The following GRIP1 variants were observed in gnomAD, a reference collection of about 807,000 sequenced individuals.
The protein encoded by GRIP1 is glutamate receptor-interacting protein 1.
Under a neutral mutation model 129.9 loss-of-function variants are expected in GRIP1, and 45 were observed. The ratio of observed to expected loss-of-function variants is 0.35; its 90% CI spans 0.27 to 0.44. GRIP1 has a LOEUF of 0.44. Among genes scored for constraint, GRIP1 ranks in the 20% least tolerant of loss-of-function variants. The pLI, the probability that GRIP1 is intolerant of heterozygous loss-of-function variation, is 1.00. For synonymous variants in GRIP1, 530 were observed against 520.8 expected (o/e 1.02, Z -0.24); for missense variants, 1,196 against 1,396.8 (o/e 0.86, Z 2.29).
intron 20 of GRIP1, 128 bp downstream of exon 20, chr12:66,379,152 T>A (rs1268567378): frequency 8.5e-6 from 9 of 1,058,646 alleles, no homozygotes; most frequent in Non-Finnish European, 1.3e-5. Flanking sequence ...GTGGCCAGCA[T>A]GGATGATTAT....
At chr12:66,574,790 T>TTTTTTTTTTTTTTTTTTTTTTTTC (rs55885862) in intron 2 of GRIP1, among the ~76,000 whole-genome samples, 4 of 142,068 alleles carry the variant, frequency 2.8e-5, no homozygotes, top group Non-Finnish European at 4.6e-5. Flanking sequence ...CACTTTTCTT[T>TTTTTTTTTTTTTTTTTTTTTTTTC]TTTTTTTTTT....
intron 19 of GRIP1, among the ~76,000 whole-genome samples, chr12:66,386,356 G>A (rs989350124): frequency 2.4e-4 from 36 of 152,136 alleles, no homozygotes; most frequent in African/African-American, 6.8e-4. Flanking sequence ...ATTTTCGGCC[G>A]GGCGCTGTGG....
chr12:66,723,746 C>T (rs535177010), intron 1 of GRIP1, among the ~76,000 whole-genome samples: 12 of 152,242 alleles, frequency 7.9e-5, no homozygotes, highest in Admixed American at 2.0e-4. Flanking sequence ...TGAGATGCTT[C>T]ATGCCAAGAA....
At chr12:66,496,954 GCTTA>G (rs747790505) in intron 7 of GRIP1, among the ~76,000 whole-genome samples, 1 of 152,118 alleles carries the variant, frequency 6.6e-6, no homozygotes, top group Non-Finnish European at 1.5e-5. Context: ...AATACAAATT[GCTTA>G]CTTAAGCTGT....
At chr12:66,827,261 C>G (rs1187157265) in intron 1 of GRIP1, among the ~76,000 whole-genome samples, 1 of 151,756 alleles carries the variant, frequency 6.6e-6, no homozygotes, top group Non-Finnish European at 1.5e-5. Context: ...AAAGAGTCTA[C>G]CTCTAAGCAT....
intron 1 of GRIP1, among the ~76,000 whole-genome samples, chr12:66,860,262 C>T (rs1031932591): frequency 1.3e-5 from 2 of 152,024 alleles, no homozygotes; most frequent in Non-Finnish European, 2.9e-5. Flanking sequence ...TAAGTCATCA[C>T]GTGCTTGCTG....
At chr12:66,818,696 G>T (rs2039267948) in intron 1 of GRIP1, among the ~76,000 whole-genome samples, 1 of 152,130 alleles carries the variant, frequency 6.6e-6, no homozygotes, top group Non-Finnish European at 1.5e-5. Context: ...GGTGAAATCT[G>T]CTTTTTGTTT....
chr12:66,913,822 A>C (rs1436488552), intron 1 of GRIP1, among the ~76,000 whole-genome samples: 6 of 152,198 alleles, frequency 3.9e-5, no homozygotes, highest in Non-Finnish European at 1.5e-5. Context: ...AATGACATTA[A>C]AATATTATAC....
At chr12:66,921,909 T>C (rs1241165319) in intron 1 of GRIP1, among the ~76,000 whole-genome samples, 3 of 152,208 alleles carry the variant, frequency 2.0e-5, no homozygotes, top group Non-Finnish European at 2.9e-5. Context: ...CACTAAAAAG[T>C]AGCTACAGAG....
At chr12:66,657,968 T>C (rs2033264285) in intron 1 of GRIP1, among the ~76,000 whole-genome samples, 2 of 152,360 alleles carry the variant, frequency 1.3e-5, no homozygotes, top group Non-Finnish European at 2.9e-5. Context: ...AAAGGTATTT[T>C]AAACTTTATT....
chr12:66,613,562 A>C (rs1247145291), intron 1 of GRIP1, among the ~76,000 whole-genome samples: 6 of 152,212 alleles, frequency 3.9e-5, no homozygotes, highest in Non-Finnish European at 7.3e-5. Context: ...ATAAATGATG[A>C]CAAAGGACAG....
At chr12:66,608,420 C>T (rs2064637002) in intron 1 of GRIP1, among the ~76,000 whole-genome samples, 1 of 152,168 alleles carries the variant, frequency 6.6e-6, no homozygotes, top group Non-Finnish European at 1.5e-5. Context: ...GCAACCTCCA[C>T]CTCCCAGGTT....
chr12:66,550,707 G>A (rs1435975709), intron 2 of GRIP1, among the ~76,000 whole-genome samples: 1 of 152,184 alleles, frequency 6.6e-6, no homozygotes. Context: ...TGGGTAGGGG[G>A]ATGTAGAATA....
chr12:66,757,721 G>C (rs2127533), intron 1 of GRIP1, among the ~76,000 whole-genome samples: 1 of 152,000 alleles, frequency 6.6e-6, no homozygotes, highest in Admixed American at 6.5e-5. Flanking sequence ...AACAGTGTAC[G>C]AAGGTTCCCT....
At chr12:66,400,502 A>G (rs982457740) in intron 16 of GRIP1, among the ~76,000 whole-genome samples, 2 of 152,208 alleles carry the variant, frequency 1.3e-5, no homozygotes, top group Admixed American at 1.3e-4. Flanking sequence ...CTGGTAAACT[A>G]TAAATATTTG....
chr12:66,829,566 A>G (rs1338430815), intron 1 of GRIP1, among the ~76,000 whole-genome samples: 1 of 152,176 alleles, frequency 6.6e-6, no homozygotes, highest in Non-Finnish European at 1.5e-5. Context: ...ACAGGAAAAG[A>G]CACTGTGTCT....
At position 66,532,851 on chromosome 12, in the gene GRIP1, C is replaced by G. The variant is rs953315814; in HGVS notation, c.419-2937G>C. Among the ~76,000 whole-genome samples the G allele has an allele frequency of 3.9e-5, 6 of 152,168 alleles. 1 individual carries two copies. Among genetic ancestry groups the G allele is most frequent in the Admixed American group, 2.6e-4 (4 of 15,282 alleles). ...GTCAGAAGGCTGTCAAAGGGACATG[C>G]TTTAACACATTTATTTGAGTTAAAA... On this transcript the variant is annotated intron_variant, in intron 4 of 24. Transcript: ENST00000359742.
intron 1 of GRIP1, among the ~76,000 whole-genome samples, chr12:66,851,005 T>C (rs758170472): frequency 6.7e-6 from 1 of 149,750 alleles, no homozygotes; most frequent in Non-Finnish European, 1.5e-5. Context: ...ATTGATTGAA[T>C]GATTTATACT....
intron 13 of GRIP1, among the ~76,000 whole-genome samples, chr12:66,438,647 C>T (rs1464845300): frequency 6.6e-6 from 1 of 152,062 alleles, no homozygotes; most frequent in Non-Finnish European, 1.5e-5. Context: ...AGGCACACAC[C>T]ACCATGCTAG....
Sources: allele counts gnomAD v4.1 joint callset (sites outside exome capture counted in the v4.1 genomes callset), GRCh38; gene constraint gnomAD v4.1.1; transcripts MANE v1.5; gene names NCBI Gene and HGNC (gene_info 2026-07-23, HGNC 2026-07-21).